Variants in PCDHGA11 observed in about 807,000 individuals in gnomAD.
PCDHGA11 encodes protocadherin gamma-A11.
Under a neutral mutation model 60.4 loss-of-function variants are expected in PCDHGA11, and 39 were observed. The observed-to-expected ratio is 0.65, with a 90% CI of 0.50 to 0.84. PCDHGA11 has a LOEUF of 0.84. Among genes scored for constraint, PCDHGA11 ranks in the 40% least tolerant of loss-of-function variants. The probability of loss-of-function intolerance (pLI) is 0.00; values close to 1 mark genes in which losing one functional copy is unlikely to be tolerated. For missense variants in PCDHGA11, 1,165 were observed against 1,197.7 expected, an observed-to-expected ratio of 0.97 and a Z score of 0.40; for synonymous variants, 533 against 510.3, an observed-to-expected ratio of 1.04 and a Z score of -0.60.
intron 1 of PCDHGA11, among the ~76,000 whole-genome samples, chr5:141,430,360 T>C (rs570966246): frequency 1.8e-4 from 27 of 151,522 alleles, no homozygotes; most frequent in Middle Eastern, 3.4e-3. Flanking sequence ...TAAAAGCTCA[T>C]TGGGGAAAAA....
In PCDHGA11 at chr5:141,485,423, C is replaced by A; in HGVS notation, c.2434-9384C>A. On this transcript the variant is annotated intron_variant, in intron 1 of 3. Transcript: ENST00000398587. This position sits in a 1 kb window ranked among gnomAD's most constrained non-coding sequence, Gnocchi z 5.7. Reference sequence around the variant, plus strand: ...CCGTGTGGATTTGGACAGCGGAGCCCTGCTCATCAAGAACCCAATCGACCG... The same window carrying A: ...CCGTGTGGATTTGGACAGCGGAGCCATGCTCATCAAGAACCCAATCGACCG... 1 of 1,614,204 alleles carries A rather than the reference C, an allele frequency of 6.2e-7. No homozygotes were observed. The highest frequency in any genetic ancestry group is 8.5e-7 in the Non-Finnish European group (1 of 1,180,036).
Position 141,476,755 on chromosome 5 carries a change from G to A in PCDHGA11, c.2434-18052G>A, listed in dbSNP as rs1307512875. The stretch of plus-strand genomic sequence containing the variant: ...AACGGGAGCCTAGTCTCCAGTTAGT[G>A]CTGACGGCGTTGGACGGAGGGACCC... On this transcript the variant is annotated intron_variant, in intron 1 of 3. Coordinates refer to ENST00000398587, the MANE Select transcript of PCDHGA11 (RefSeq NM_018914.3). This position sits in a 1 kb window ranked among gnomAD's most constrained non-coding sequence, Gnocchi z 7.6. 1.2e-6 allele frequency: 2 copies of A among 1,613,828 alleles called. No homozygotes were observed. Among genetic ancestry groups the A allele is most frequent in the Non-Finnish European group, 1.7e-6 (2 of 1,180,036 alleles).
In PCDHGA11 at chr5:141,490,801, A is replaced by G; in HGVS notation, c.2434-4006A>G. On this transcript the variant is annotated intron_variant, in intron 1 of 3. Transcript: ENST00000398587. The surrounding 1 kb of genome is among the most constrained non-coding windows in gnomAD (Gnocchi z 5.4). ...GGATGGACGGATCTTTGCCCAGCGT[A>G]CCTTTGACTATGAATTGCTGCAGAT... The G allele has an allele frequency of 6.2e-7, 1 of 1,613,854 alleles. No homozygotes were observed. Among genetic ancestry groups the G allele is most frequent in the African/African-American group, 1.3e-5 (1 of 75,042 alleles).
At chr5:141,470,795 C>T (rs947636574) in intron 1 of PCDHGA11, among the ~76,000 whole-genome samples, 2 of 152,182 alleles carry the variant, frequency 1.3e-5, no homozygotes, top group Non-Finnish European at 2.9e-5. Context: ...TCAAGCAATC[C>T]TCCCACTTCA....
rs1283050252 is a variant in PCDHGA11, at chr5:141,512,909, T to G, written c.*1736T>G. ...CCTCTTCCTGTGTCTCACGCAAGTT[T>G]TATACTCTAATATTTATATGGCTTT... On this transcript the variant is annotated 3_prime_UTR_variant, in exon 4 of 4. Coordinates refer to ENST00000398587, the MANE Select transcript of PCDHGA11 (RefSeq NM_018914.3). 6.6e-6 allele frequency: 1 copy of G among 152,268 alleles called. No homozygotes were observed. The highest frequency in any genetic ancestry group is 1.5e-5 in the Non-Finnish European group (1 of 68,056). 9.4% of individuals were successfully genotyped at this position (152,268 alleles called of 1,614,324 possible).
intron 1 of PCDHGA11, among the ~76,000 whole-genome samples, chr5:141,430,358 C>T (rs2097275535): frequency 6.7e-6 from 1 of 149,028 alleles, no homozygotes; most frequent in South Asian, 2.1e-4. Flanking sequence ...TTTAAAAGCT[C>T]ATTGGGGAAA....
chr5:141,431,622 C>T lies in PCDHGA11; in HGVS notation c.2433+7962C>T, dbSNP rs761448407. 3 of 1,614,070 alleles carry T rather than the reference C, an allele frequency of 1.9e-6. No individual in the cohort carries two copies. The African/African-American group carries it at 4.0e-5, about 22-fold the overall frequency. ...TCCTTCCGGTATGTGGACGACAAGGCGGCCCAAGTTTTCAAACTAGATTGT... is the reference window on the plus strand; with the variant it reads ...TCCTTCCGGTATGTGGACGACAAGGTGGCCCAAGTTTTCAAACTAGATTGT... On this transcript the variant is annotated intron_variant, in intron 1 of 3. Transcript: ENST00000398587. The surrounding 1 kb of genome is among the most constrained non-coding windows in gnomAD (Gnocchi z 4.8).
chr5:141,493,338 A>G lies in PCDHGA11; in HGVS notation c.2434-1469A>G, dbSNP rs773870729. Among the ~76,000 whole-genome samples the G allele has an allele frequency of 6.6e-6, 1 of 152,162 alleles. No individual in the cohort carries two copies. The highest frequency in any genetic ancestry group is 1.5e-5 in the Non-Finnish European group (1 of 68,028). On this transcript the variant is annotated intron_variant, in intron 1 of 3. Transcript: ENST00000398587. This position sits in a 1 kb window ranked among gnomAD's most constrained non-coding sequence, Gnocchi z 4.3. ...GATTCTAACCCCTGTCTAACTCCAG[A>G]ATGTGTGCTTTTAATTTCTTGGCAC...
intron 1 of PCDHGA11, chr5:141,428,120 C>T (rs756805763): frequency 3.7e-6 from 6 of 1,606,528 alleles, no homozygotes; most frequent in East Asian, 4.5e-5. Flanking sequence ...CCATCGAGCC[C>T]GGGCTTTTCA....
At chr5:141,508,576 C>A (rs1437398161) in intron 3 of PCDHGA11, among the ~76,000 whole-genome samples, 1 of 152,136 alleles carries the variant, frequency 6.6e-6, no homozygotes, top group African/African-American at 2.4e-5. Flanking sequence ...TGCACCCACT[C>A]GGGGTGCTAC....
At position 141,477,263 on chromosome 5, in the gene PCDHGA11, G is replaced by C. The variant is rs543767777; in HGVS notation, c.2434-17544G>C. ...CAGTGTGACTGACCTGGATGCTGGC[G>C]AGAACGGGCTGGTGACCTGCGAAGT... On this transcript the variant is annotated intron_variant, in intron 1 of 3. Coordinates refer to ENST00000398587, the MANE Select transcript of PCDHGA11 (RefSeq NM_018914.3). The surrounding 1 kb of genome is among the most constrained non-coding windows in gnomAD (Gnocchi z 4.9). The C allele has an allele frequency of 6.2e-7, 1 of 1,614,192 alleles. No individual in the cohort carries two copies. The highest frequency in any genetic ancestry group is 1.3e-5 in the African/African-American group (1 of 75,058).
chr5:141,481,762 G>A (rs1378950651), intron 1 of PCDHGA11, among the ~76,000 whole-genome samples: 3 of 152,126 alleles, frequency 2.0e-5, no homozygotes, highest in African/African-American at 2.4e-5. Flanking sequence ...GACCAGCCTG[G>A]CCAACATGGT....
chr5:141,494,742 G>A (rs1223104681), intron 1 of PCDHGA11, 65 bp from the exon 2 acceptor site: 10 of 1,611,946 alleles, frequency 6.2e-6, no homozygotes, highest in Non-Finnish European at 8.5e-6. Context: ...CCCATCCCTA[G>A]GGGCTCGGGT....
Position 141,476,364 on chromosome 5 carries a change from C to T in PCDHGA11, c.2434-18443C>T, listed in dbSNP as rs1462808655. The T allele has an allele frequency of 6.2e-7, 1 of 1,614,036 alleles. No homozygotes were observed. The highest frequency in any genetic ancestry group is 8.5e-7 in the Non-Finnish European group (1 of 1,180,026). Reference sequence around the variant, plus strand: ...AGATTCTTTGAGGTGAACCGGGAGACCGGAGAGATGTTTGTGAACGACCGT... The same window carrying T: ...AGATTCTTTGAGGTGAACCGGGAGATCGGAGAGATGTTTGTGAACGACCGT... On this transcript the variant is annotated intron_variant, in intron 1 of 3. Coordinates refer to ENST00000398587, the MANE Select transcript of PCDHGA11 (RefSeq NM_018914.3). This position sits in a 1 kb window ranked among gnomAD's most constrained non-coding sequence, Gnocchi z 7.6.
At position 141,486,735 on chromosome 5, in the gene PCDHGA11, G is replaced by T; in HGVS notation, c.2434-8072G>T. 6.2e-7 allele frequency: 1 copy of T among 1,614,176 alleles called. No individual in the cohort carries two copies. The highest frequency in any genetic ancestry group is 1.1e-5 in the South Asian group (1 of 91,086). On this transcript the variant is annotated intron_variant, in intron 1 of 3. Coordinates refer to ENST00000398587, the MANE Select transcript of PCDHGA11 (RefSeq NM_018914.3). The surrounding 1 kb of genome is among the most constrained non-coding windows in gnomAD (Gnocchi z 5.0). Reference sequence around the variant, plus strand: ...CAGACAGGAGCTGTTCATGCTACTCGATCCTTTGACTATGAGCAAACCCAG... The same window carrying T: ...CAGACAGGAGCTGTTCATGCTACTCTATCCTTTGACTATGAGCAAACCCAG...
In PCDHGA11 at chr5:141,477,031, A is replaced by C; in HGVS notation, c.2434-17776A>C. Reference sequence around the variant, plus strand: ...TAGACCTTGTAACCGGGATGCTGACAATCAAGGGTCGGCTGGACTTCGAGG... The same window carrying C: ...TAGACCTTGTAACCGGGATGCTGACCATCAAGGGTCGGCTGGACTTCGAGG... On this transcript the variant is annotated intron_variant, in intron 1 of 3. Coordinates refer to ENST00000398587, the MANE Select transcript of PCDHGA11 (RefSeq NM_018914.3). This position sits in a 1 kb window ranked among gnomAD's most constrained non-coding sequence, Gnocchi z 4.9. The C allele has an allele frequency of 6.2e-7, 1 of 1,614,248 alleles. No individual in the cohort carries two copies. Among genetic ancestry groups the C allele is most frequent in the Non-Finnish European group, 8.5e-7 (1 of 1,180,040 alleles).
intron 2 of PCDHGA11, among the ~76,000 whole-genome samples, chr5:141,496,054 G>A (rs180707408): frequency 6.6e-6 from 1 of 150,988 alleles, no homozygotes; most frequent in Admixed American, 6.6e-5. Context: ...TTTTGTGCTT[G>A]TGGGCAAGCC....
intron 1 of PCDHGA11, among the ~76,000 whole-genome samples, chr5:141,484,009 T>A (rs1157069536): frequency 7.1e-5 from 1 of 14,094 alleles, no homozygotes; most frequent in African/African-American, 2.8e-4. Flanking sequence ...TGGATGAGGG[T>A]GGGGGTGGGG....
In PCDHGA11 at chr5:141,422,478, G is replaced by C; in HGVS notation, c.1251G>C (p.Gln417His). The change falls in exon 1 of 4, where the codon CAG becomes CAC. Residue 417 changes from glutamine (Q) to histidine (H), a missense_variant. By Grantham distance (24) the Gln-to-His change is conservative (BLOSUM62 0). Transcript: ENST00000398587. ...GAGTGCTGGACAGGGAGTTGGTCCAGAGCTACAATATAACGTTGACAGCCA... is the reference window on the plus strand; with the variant it reads ...GAGTGCTGGACAGGGAGTTGGTCCACAGCTACAATATAACGTTGACAGCCA... ...TSRVLDRELV[Q>H]SYNITLTATD... The C allele has an allele frequency of 6.2e-7, 1 of 1,613,914 alleles. No individual in the cohort carries two copies. The highest frequency in any genetic ancestry group is 8.5e-7 in the Non-Finnish European group (1 of 1,179,872).
Sources: allele counts gnomAD v4.1 joint callset (sites outside exome capture counted in the v4.1 genomes callset), GRCh38; gene constraint gnomAD v4.1.1; non-coding constraint Gnocchi (gnomAD v3.1); transcripts MANE v1.5; gene names NCBI Gene and HGNC (gene_info 2026-07-23, HGNC 2026-07-21).